Variants in TAFA2 observed in about 807,000 individuals in gnomAD.
TAFA2 encodes the protein TAFA chemokine like family member 2, also known as chemokine-like protein TAFA-2.
Under a neutral mutation model 18.8 loss-of-function variants are expected in TAFA2, and 7 were observed. That is an observed-to-expected ratio of 0.37 (90% confidence interval 0.21 to 0.70). The LOEUF (loss-of-function observed/expected upper bound fraction) is 0.70. TAFA2 is among the 30% of genes least tolerant of loss of function. TAFA2 has a pLI of 0.53. For synonymous variants in TAFA2, 60 were observed against 54.2 expected, an observed-to-expected ratio of 1.11 and a Z score of -0.47; for missense variants, 122 against 158.1, an observed-to-expected ratio of 0.77 and a Z score of 1.23.
chr12:62,033,288 C>G (rs1881510006), intron 1 of TAFA2, among the ~76,000 whole-genome samples: 1 of 152,130 alleles, frequency 6.6e-6, no homozygotes, highest in Non-Finnish European at 1.5e-5. Flanking sequence ...TCCTGAGGGT[C>G]AAATGTCCAT....
chr12:61,713,326 C>A (rs1216545637), intron 4 of TAFA2, among the ~76,000 whole-genome samples: 2 of 152,124 alleles, frequency 1.3e-5, no homozygotes. Flanking sequence ...GTCTATAAAT[C>A]TTCCACAACG....
chr12:62,230,222 C>T (rs2062806483), intron 1 of TAFA2, among the ~76,000 whole-genome samples: 1 of 149,458 alleles, frequency 6.7e-6, no homozygotes, highest in East Asian at 2.0e-4. Context: ...CTTCTCTGAT[C>T]TTTGTTATTT....
intron 1 of TAFA2, among the ~76,000 whole-genome samples, chr12:62,102,232 T>C (rs776821933): frequency 1.6e-4 from 25 of 152,320 alleles, no homozygotes; most frequent in Admixed American, 2.6e-4. Context: ...GTTATTTGGA[T>C]TGAAGTGGAA....
At chr12:61,833,399 T>C (rs1872792206) in intron 2 of TAFA2, among the ~76,000 whole-genome samples, 1 of 151,958 alleles carries the variant, frequency 6.6e-6, no homozygotes, top group Non-Finnish European at 1.5e-5. Context: ...AGATCACTTA[T>C]AGAGTAGCCC....
chr12:61,874,622 T>C (rs1262011788), intron 1 of TAFA2, among the ~76,000 whole-genome samples: 1 of 152,180 alleles, frequency 6.6e-6, no homozygotes, highest in Non-Finnish European at 1.5e-5. Context: ...TTTGTGCAAA[T>C]ACCTTTACCA....
chr12:61,906,286 G>A (rs1592475919), intron 1 of TAFA2, among the ~76,000 whole-genome samples: 1 of 152,146 alleles, frequency 6.6e-6, no homozygotes, highest in Non-Finnish European at 1.5e-5. Flanking sequence ...GGGACCCAGT[G>A]GGAGGTAACT....
At chr12:61,931,040 C>T (rs1877532691) in intron 1 of TAFA2, among the ~76,000 whole-genome samples, 1 of 152,184 alleles carries the variant, frequency 6.6e-6, no homozygotes, top group Non-Finnish European at 1.5e-5. Context: ...CATTTATTTC[C>T]TTATATGACA....
intron 1 of TAFA2, among the ~76,000 whole-genome samples, chr12:62,080,946 G>A (rs773339956): frequency 2.0e-5 from 3 of 152,174 alleles, no homozygotes; most frequent in African/African-American, 4.8e-5. Flanking sequence ...TGTAACCCCA[G>A]CACTTTGGGA....
chr12:61,904,260 T>G (rs1198222335), intron 1 of TAFA2, among the ~76,000 whole-genome samples: 3 of 152,102 alleles, frequency 2.0e-5, no homozygotes, highest in African/African-American at 7.2e-5. Flanking sequence ...CAATCTCCAG[T>G]ATGGAATCTG....
At chr12:61,880,378 G>C in intron 1 of TAFA2, 3 of 527,276 alleles carry the variant, frequency 5.7e-6, no homozygotes, top group East Asian at 5.3e-5. Flanking sequence ...CCAACACCAA[G>C]CTGTTGGAGC....
intron 2 of TAFA2, among the ~76,000 whole-genome samples, chr12:61,813,984 A>G (rs1871976756): frequency 6.6e-6 from 1 of 151,542 alleles, no homozygotes; most frequent in African/African-American, 2.5e-5. Flanking sequence ...ATATCGGAGC[A>G]CATCAATATA....
intron 1 of TAFA2, chr12:62,234,686 G>A (rs1403790719): frequency 7.9e-6 from 8 of 1,018,706 alleles, no homozygotes; most frequent in South Asian, 1.3e-5. Context: ...CGCAGTTCTC[G>A]TAGTTGCAGC....
intron 1 of TAFA2, among the ~76,000 whole-genome samples, chr12:62,220,123 A>T (rs1028204930): frequency 3.3e-5 from 5 of 152,134 alleles, no homozygotes; most frequent in Admixed American, 1.3e-4. Context: ...CACCAAATAA[A>T]AAAAACCTAA....
intron 1 of TAFA2, among the ~76,000 whole-genome samples, chr12:62,120,243 C>T (rs1017856264): frequency 6.6e-5 from 10 of 152,150 alleles, no homozygotes; most frequent in African/African-American, 1.9e-4. Context: ...TGTCGTTCCA[C>T]AACTGATATA....
intron 1 of TAFA2, among the ~76,000 whole-genome samples, chr12:62,053,184 C>A (rs978411339): frequency 5.3e-5 from 8 of 152,102 alleles, no homozygotes; most frequent in African/African-American, 1.9e-4. Context: ...TATAAAAAAG[C>A]AATCAGTACA....
chr12:62,005,117 TAA>T (rs1237608217), intron 1 of TAFA2, among the ~76,000 whole-genome samples: 1 of 152,026 alleles, frequency 6.6e-6, no homozygotes, highest in East Asian at 1.9e-4. Flanking sequence ...ATGTGTAAGA[TAA>T]AGACTATAGT....
intron 1 of TAFA2, among the ~76,000 whole-genome samples, chr12:62,210,594 C>T (rs2062709242): frequency 6.6e-6 from 1 of 152,076 alleles, no homozygotes; most frequent in South Asian, 2.1e-4. Context: ...TGTTTTATAG[C>T]AACAAAAATA....
intron 1 of TAFA2, among the ~76,000 whole-genome samples, chr12:61,981,097 T>C (rs1473513336): frequency 6.6e-6 from 1 of 152,048 alleles, no homozygotes; most frequent in East Asian, 1.9e-4. Flanking sequence ...ATGGTACTTG[T>C]ACCAAAATAG....
chr12:61,758,535 T>C (rs1869381234), intron 2 of TAFA2, among the ~76,000 whole-genome samples: 1 of 151,824 alleles, frequency 6.6e-6, no homozygotes, highest in Non-Finnish European at 1.5e-5. Context: ...GTGAGTGGAT[T>C]CGGTGGTGAG....
Sources: gnomAD v4.1 joint callset for allele counts (sites outside exome capture counted in the v4.1 genomes callset) on GRCh38, gnomAD v4.1.1 for gene constraint, MANE v1.5 for transcripts, NCBI Gene and HGNC (gene_info 2026-07-23, HGNC 2026-07-21) for gene names.